Variants in TP63 observed in about 807,000 individuals in gnomAD.
The protein encoded by TP63 is tumor protein 63.
In TP63, 17 loss-of-function variants were observed where a neutral mutation model predicts 82.8. The observed-to-expected ratio is 0.21, with a 90% CI of 0.14 to 0.31. TP63 has a LOEUF of 0.31. TP63 is among the 10% of genes least tolerant of loss of function. The pLI is 1.00. For synonymous variants in TP63, 330 were observed against 321.7 expected (o/e 1.03, Z -0.28); for missense variants, 648 against 895.3 (o/e 0.72, Z 3.52).
At chr3:189,825,950 CT>C (rs1004568394) in intron 4 of TP63, among the ~76,000 whole-genome samples, 45 of 152,186 alleles carry the variant, frequency 3.0e-4, no homozygotes, top group African/African-American at 9.9e-4. Context: ...CCTTCTCTCT[CT>C]CCCCCACTTG....
Position 189,649,171 on chromosome 3 carries a change from T to C in TP63, c.62+17594T>C, listed in dbSNP as rs533049130. On this transcript the variant is annotated intron_variant, in intron 1 of 13. Coordinates refer to ENST00000264731, the MANE Select transcript of TP63 (RefSeq NM_003722.5). ...AGTCTCTGCATAAAAATGAGGAAAATAACAGATATATACAGAGAAAATGAA... is the reference window on the plus strand; with the variant it reads ...AGTCTCTGCATAAAAATGAGGAAAACAACAGATATATACAGAGAAAATGAA... Among the ~76,000 whole-genome samples, 70 of 146,240 alleles carry C rather than the reference T, an allele frequency of 4.8e-4. 2 individuals carry two copies. The highest frequency in any genetic ancestry group is 7.0e-3 in the Middle Eastern group (2 of 286).
intron 3 of TP63, chr3:189,789,823 C>T (rs1724945753): frequency 1.3e-6 from 2 of 1,597,098 alleles, no homozygotes; most frequent in East Asian, 2.3e-5. Context: ...GAAAACAATG[C>T]CCAGACTCAA....
At chr3:189,600,292 T>C in the TP63 span, among the ~76,000 whole-genome samples, 2 of 152,142 alleles carry the variant, frequency 1.3e-5, no homozygotes, top group Non-Finnish European at 2.9e-5. Flanking sequence ...TGTGAATTTG[T>C]ATAATGTGTT....
chr3:189,643,651 A>G (rs2108623291), intron 1 of TP63, among the ~76,000 whole-genome samples: 1 of 152,162 alleles, frequency 6.6e-6, no homozygotes, highest in East Asian at 1.9e-4. Flanking sequence ...ACTTCAGCTC[A>G]CCATCATTTC....
chr3:189,735,644 G>T (rs1414249777), intron 1 of TP63, among the ~76,000 whole-genome samples: 1 of 151,910 alleles, frequency 6.6e-6, no homozygotes, highest in African/African-American at 2.4e-5. Flanking sequence ...CCCTTTTGTT[G>T]TCTTACCTTA....
At chr3:189,745,582 C>T in intron 3 of TP63, among the ~76,000 whole-genome samples, 1 of 151,714 alleles carries the variant, frequency 6.6e-6, no homozygotes, top group East Asian at 1.9e-4. Context: ...TGGCGCATGC[C>T]TGTAATCCCA....
upstream of TP63, among the ~76,000 whole-genome samples, chr3:189,627,731 G>A (rs1232303157): frequency 6.6e-6 from 1 of 152,102 alleles, no homozygotes; most frequent in Admixed American, 6.6e-5. Context: ...TAAGGCCAGG[G>A]GTGAGGGGAG....
At chr3:189,796,258 A>G (rs1515495) in intron 3 of TP63, among the ~76,000 whole-genome samples, 15,604 of 152,052 alleles carry the variant, frequency 0.1, 1,048 homozygotes, top group African/African-American at 0.17. Context: ...TGACTTTGGG[A>G]CAAGGATACA....
chr3:189,746,556 T>C (rs73055246), intron 3 of TP63, among the ~76,000 whole-genome samples: 6,466 of 151,386 alleles, frequency 0.043, 183 homozygotes, highest in African/African-American at 0.076. Flanking sequence ...ATCACAATTA[T>C]GAAAAAAATA....
intron 3 of TP63, among the ~76,000 whole-genome samples, chr3:189,761,899 G>A (rs116163291): frequency 1.2e-4 from 19 of 152,278 alleles, no homozygotes; most frequent in Non-Finnish European, 2.1e-4. Flanking sequence ...CTTGTGCAGA[G>A]AAACCCCCGT....
chr3:189,662,336 A>C (rs1027745233), intron 1 of TP63, among the ~76,000 whole-genome samples: 2 of 152,074 alleles, frequency 1.3e-5, no homozygotes, highest in African/African-American at 4.8e-5. Context: ...GAAGTCATTC[A>C]GTAGCAAGTT....
At chr3:189,808,185 G>A in intron 3 of TP63, 87 bp from the exon 4 acceptor site, 4 of 1,607,246 alleles carry the variant, frequency 2.5e-6, no homozygotes, top group Non-Finnish European at 3.4e-6. Flanking sequence ...CATCTCTGTA[G>A]AATGCATTCA....
At chr3:189,803,654 A>C (rs1014006493) in intron 3 of TP63, among the ~76,000 whole-genome samples, 1 of 152,196 alleles carries the variant, frequency 6.6e-6, no homozygotes, top group Non-Finnish European at 1.5e-5. Flanking sequence ...CCATGTGACC[A>C]AGGCGTACTT....
At chr3:189,656,394 T>C (rs1460043624) in intron 1 of TP63, among the ~76,000 whole-genome samples, 2 of 152,192 alleles carry the variant, frequency 1.3e-5, no homozygotes, top group Non-Finnish European at 2.9e-5. Flanking sequence ...TGGTCTTATA[T>C]AATATGCTTA....
chr3:189,661,803 T>C (rs1713909730), intron 1 of TP63, among the ~76,000 whole-genome samples: 2 of 151,956 alleles, frequency 1.3e-5, no homozygotes, highest in Admixed American at 6.6e-5. Flanking sequence ...TCCTGAGAGG[T>C]TGTGTTTCTA....
At chr3:189,874,364 G>T (rs1311206272) in intron 10 of TP63, among the ~76,000 whole-genome samples, 1 of 152,298 alleles carries the variant, frequency 6.6e-6, no homozygotes, top group African/African-American at 2.4e-5. Context: ...GGGCCACCGT[G>T]CCGGCCTTGT....
intron 1 of TP63, among the ~76,000 whole-genome samples, chr3:189,672,639 AGG>A: frequency 1.1e-5 from 1 of 92,668 alleles, no homozygotes; most frequent in Non-Finnish European, 2.3e-5. Context: ...GAAGGAAGGG[AGG>A]GAGGGAGGGA....
intron 3 of TP63, among the ~76,000 whole-genome samples, chr3:189,767,396 A>AACCAGTAAACATGT (rs1723035235): frequency 1.3e-5 from 2 of 152,192 alleles, no homozygotes. Context: ...GAAGGGGAAA[A>AACCAGTAAACATGT]ACCAGTAAAC....
intron 1 of TP63, among the ~76,000 whole-genome samples, chr3:189,706,112 C>T (rs933798207): frequency 2.6e-5 from 4 of 152,094 alleles, no homozygotes; most frequent in East Asian, 1.9e-4. Context: ...AATCTATAAT[C>T]GCCCCCTGGT....
Sources: allele counts gnomAD v4.1 joint callset (sites outside exome capture counted in the v4.1 genomes callset), GRCh38; gene constraint gnomAD v4.1.1; transcripts MANE v1.5; gene names NCBI Gene and HGNC (gene_info 2026-07-23, HGNC 2026-07-21).